Variants in MYL3 observed in about 807,000 individuals in gnomAD.
The protein encoded by MYL3 is CMLC1.
A neutral mutation model predicts 21.3 loss-of-function variants in MYL3; 11 were observed. The observed-to-expected ratio is 0.52, with a 90% CI of 0.32 to 0.85. MYL3 has a LOEUF of 0.85. Ranked by LOEUF, MYL3 falls within the 40% of genes least tolerant of loss-of-function variation. The pLI is 0.03. For missense variants in MYL3, 206 were observed against 253.3 expected (o/e 0.81, Z 1.27); for synonymous variants, 88 against 91.6 (o/e 0.96, Z 0.22).
At chr3:46,870,984 A>G (rs529807677) in intron 1 of MYL3, among the ~76,000 whole-genome samples, 1 of 152,296 alleles carries the variant, frequency 6.6e-6, no homozygotes, top group African/African-American at 2.4e-5. Context: ...AAACCTTTGC[A>G]TGCATGTTCA....
chr3:46,865,984 A>C (rs1217672500), upstream of MYL3, among the ~76,000 whole-genome samples: 2 of 151,838 alleles, frequency 1.3e-5, no homozygotes, highest in African/African-American at 4.8e-5. This position sits in a 1 kb window ranked among gnomAD's most constrained non-coding sequence, Gnocchi z 4.3. Flanking sequence ...CCCACCCTCA[A>C]ACCTATAACA....
rs1701964341 is a variant in MYL3, at chr3:46,859,239, GC to G, written c.481+235del. Among the ~76,000 whole-genome samples the G allele has an allele frequency of 6.6e-6, 1 of 152,076 alleles. No individual in the cohort carries two copies. Among genetic ancestry groups the G allele is most frequent in the Admixed American group, 6.6e-5 (1 of 15,262 alleles). On this transcript the variant is annotated intron_variant, in intron 4 of 6. Coordinates refer to ENST00000292327, the MANE Select transcript of MYL3 (RefSeq NM_000258.3). This position sits in a 1 kb window ranked among gnomAD's most constrained non-coding sequence, Gnocchi z 4.1. ...GGAAGGAGGGGAGCATATCAAGACG[GC>G]TCCTTCCTGCCCTGCTCTGTCCCCA...
At chr3:46,873,474 G>C (rs866867791) in intron 1 of MYL3, among the ~76,000 whole-genome samples, 32 of 152,304 alleles carry the variant, frequency 2.1e-4, no homozygotes, top group South Asian at 4.1e-4. Flanking sequence ...CTCTGTTTGC[G>C]AGGTCATCAC....
In MYL3 at chr3:46,861,018, C is replaced by T. The variant is rs769273147; in HGVS notation, c.130-31G>A. 132 of 1,613,682 alleles carry T rather than the reference C, an allele frequency of 8.2e-5. No homozygotes were observed. Among genetic ancestry groups the T allele is most frequent in the Middle Eastern group, 4.9e-4 (3 of 6,084 alleles). Reference sequence around the variant, plus strand: ...AAGAGACCCCAAAGACTCAGATGCCCGGCTTAAAAGGTGGGGCCACACCTC... The same window carrying T: ...AAGAGACCCCAAAGACTCAGATGCCTGGCTTAAAAGGTGGGGCCACACCTC... On this transcript the variant is annotated intron_variant, in intron 1 of 6. Transcript: ENST00000292327. This position sits in a 1 kb window ranked among gnomAD's most constrained non-coding sequence, Gnocchi z 4.2.
In MYL3 at chr3:46,858,365, C is replaced by T. The variant is rs552393482; in HGVS notation, c.559+19G>A. 3.2e-4 allele frequency: 517 copies of T among 1,614,164 alleles called. 3 individuals are homozygous for T. The highest frequency in any genetic ancestry group is 2.9e-3 in the South Asian group (268 of 91,086). ...CCAGCACTCCCCTCCCAGAAGACCC[C>T]TGCCCCTGCTGAGCCCACCTTCATA... is the stretch of plus-strand genomic sequence containing the variant. On this transcript the variant is annotated intron_variant, in intron 5 of 6. Transcript: ENST00000292327.
At position 46,860,671 on chromosome 3, in the gene MYL3, A is replaced by C. The variant is rs768956093; in HGVS notation, c.307+5T>G. ...ACTATGGGGGCTCTCGGGCAGGTGC[A>C]CTACCTTCCTGTCTTGGCTTCCCCA... On this transcript the variant is annotated splice_donor_5th_base_variant and intron_variant, in intron 3 of 6. Transcript: ENST00000292327. This position sits in a 1 kb window ranked among gnomAD's most constrained non-coding sequence, Gnocchi z 4.6. 7 of 1,613,438 alleles carry C rather than the reference A, an allele frequency of 4.3e-6. No homozygotes were observed. Among genetic ancestry groups the C allele is most frequent in the Non-Finnish European group, 5.1e-6 (6 of 1,180,002 alleles).
intron 1 of MYL3, among the ~76,000 whole-genome samples, chr3:46,870,205 C>A (rs1702095826): frequency 6.6e-6 from 1 of 151,668 alleles, no homozygotes; most frequent in Non-Finnish European, 1.5e-5. Context: ...CCAGCATAAC[C>A]CAAATTCATT....
chr3:46,863,451 G>T, upstream of MYL3: 1 of 1,590,280 alleles, frequency 6.3e-7, no homozygotes. Flanking sequence ...GGGTAGGTGA[G>T]CCGCCTCACC....
chr3:46,874,706 AG>A lies in MYL3; in HGVS notation c.-218+7367del, dbSNP rs2030088121. 6.6e-6 allele frequency among the ~76,000 whole-genome samples: 1 copy of A among 152,114 alleles called. No individual in the cohort carries two copies. Among genetic ancestry groups the A allele is most frequent in the Admixed American group, 6.5e-5 (1 of 15,286 alleles). On this transcript the variant is annotated intron_variant, in intron 1 of 3. Transcript: ENST00000431168. The surrounding 1 kb of genome is among the most constrained non-coding windows in gnomAD (Gnocchi z 4.1). Reference sequence around the variant, plus strand: ...GAAACACGTGTCAAACACGCCTGGGAGGGGGTATTCCGAGGCACAGACCCCC... The same window carrying A: ...GAAACACGTGTCAAACACGCCTGGGAGGGGTATTCCGAGGCACAGACCCCC...
At chr3:46,875,853 T>C (rs2030179861) in intron 1 of MYL3, among the ~76,000 whole-genome samples, 1 of 152,224 alleles carries the variant, frequency 6.6e-6, no homozygotes, top group African/African-American at 2.4e-5. Context: ...TGGGAGCCTG[T>C]TGAGCTCGGA....
Position 46,874,640 on chromosome 3 carries a change from G to T in MYL3, c.-218+7434C>A, listed in dbSNP as rs902340316. On this transcript the variant is annotated intron_variant, in intron 1 of 3. Transcript: ENST00000431168. The surrounding 1 kb of genome is among the most constrained non-coding windows in gnomAD (Gnocchi z 4.1). ...TTGCAGTCGGCAGGAGCTCTTAAAG[G>T]TTATAAATAGCAGCAGCGGGAGCCC... is the stretch of plus-strand genomic sequence containing the variant. Among the ~76,000 whole-genome samples, 9 of 152,190 alleles carry T rather than the reference G, an allele frequency of 5.9e-5. No homozygotes were observed. The highest frequency in any genetic ancestry group is 1.2e-4 in the Non-Finnish European group (8 of 68,038).
chr3:46,872,892 C>A (rs2029994253), intron 1 of MYL3, among the ~76,000 whole-genome samples: 1 of 152,210 alleles, frequency 6.6e-6, no homozygotes, highest in African/African-American at 2.4e-5. Flanking sequence ...GATCCTGGGG[C>A]CTGCTCATGA....
At chr3:46,862,421 G>C (rs1027723082) in intron 1 of MYL3, among the ~76,000 whole-genome samples, 1 of 152,186 alleles carries the variant, frequency 6.6e-6, no homozygotes, top group Non-Finnish European at 1.5e-5. Context: ...GGTGTCTCTG[G>C]GAAGGGCTCA....
chr3:46,879,523 G>A lies in MYL3; in HGVS notation c.-218+2551C>T, dbSNP rs545669660. ...TTTGGGAGGCCGAGGCAGGAGGACTGCTTGAGCCCAAGAGTTGGAGACCAG... is the reference window on the plus strand; with the variant it reads ...TTTGGGAGGCCGAGGCAGGAGGACTACTTGAGCCCAAGAGTTGGAGACCAG... On this transcript the variant is annotated intron_variant, in intron 1 of 3. Coordinates refer to the MYL3 transcript ENST00000431168. This position sits in a 1 kb window ranked among gnomAD's most constrained non-coding sequence, Gnocchi z 4.7. Among the ~76,000 whole-genome samples, 38 of 151,878 alleles carry A rather than the reference G, an allele frequency of 2.5e-4. No homozygotes were observed. Among genetic ancestry groups the A allele is most frequent in the African/African-American group, 8.5e-4 (35 of 41,400 alleles).
Position 46,859,626 on chromosome 3 carries a change from G to C in MYL3, c.330C>G (p.Asp110Glu). ...GGAGCATAGGCAGGAAAGTTTCAAAGTCCATCATCTTGGTATTGAGCTCTG... is the reference window on the plus strand; with the variant it reads ...GGAGCATAGGCAGGAAAGTTTCAAACTCCATCATCTTGGTATTGAGCTCTG... ...RQEELNTKMMDFETFLPMLQH... is the reference protein window; with the variant it reads ...RQEELNTKMMEFETFLPMLQH... Residue 110 changes from aspartate (D) to glutamate (E), a missense_variant, in exon 4 of 7, where the codon GAC becomes GAG. Coordinates refer to ENST00000292327, the MANE Select transcript of MYL3 (RefSeq NM_000258.3). This position sits in a 1 kb window ranked among gnomAD's most constrained non-coding sequence, Gnocchi z 4.1. 1 of 1,614,224 alleles carries C rather than the reference G, an allele frequency of 6.2e-7. No individual in the cohort carries two copies. The highest frequency in any genetic ancestry group is 8.5e-7 in the Non-Finnish European group (1 of 1,180,042).
At position 46,860,229 on chromosome 3, in the gene MYL3, C is replaced by T. The variant is rs111986699; in HGVS notation, c.307+447G>A. Among the ~76,000 whole-genome samples the T allele has an allele frequency of 5.9e-5, 9 of 152,150 alleles. No homozygotes were observed. The highest frequency in any genetic ancestry group is 2.2e-4 in the African/African-American group (9 of 41,424). On this transcript the variant is annotated intron_variant, in intron 3 of 6. Transcript: ENST00000292327. This position sits in a 1 kb window ranked among gnomAD's most constrained non-coding sequence, Gnocchi z 4.6. ...CTGCAACCTCAAATTCCTGGGCTCA[C>T]GGGATCCTCCTGGCTCAGCTTCCTG...
At chr3:46,875,861 G>A (rs887700793) in intron 1 of MYL3, among the ~76,000 whole-genome samples, 11 of 152,374 alleles carry the variant, frequency 7.2e-5, no homozygotes, top group African/African-American at 1.9e-4. Flanking sequence ...TGTTGAGCTC[G>A]GAGGGGGCCG....
chr3:46,865,938 C>T (rs1401672546), upstream of MYL3, among the ~76,000 whole-genome samples: 3 of 152,224 alleles, frequency 2.0e-5, no homozygotes, highest in Non-Finnish European at 2.9e-5. This position sits in a 1 kb window ranked among gnomAD's most constrained non-coding sequence, Gnocchi z 4.3. Context: ...TCCCTGCTGG[C>T]TTGGGAACAA....
rs1273884199 is a variant in MYL3, at chr3:46,858,078, C to T, written c.*37G>A. ...CATCACACATGGGAGATGAGACGTCCCTGCACAGCCTTCCCTGGGCTTCCT... is the reference window on the plus strand; with the variant it reads ...CATCACACATGGGAGATGAGACGTCTCTGCACAGCCTTCCCTGGGCTTCCT... On this transcript the variant is annotated 3_prime_UTR_variant, in exon 7 of 7. Transcript: ENST00000292327. The T allele has an allele frequency of 2.3e-6, 2 of 875,274 alleles. No homozygotes were observed. Among genetic ancestry groups the T allele is most frequent in the Non-Finnish European group, 3.7e-6 (2 of 538,312 alleles). 54.2% of individuals were successfully genotyped at this position (875,274 alleles called of 1,614,324 possible). A position where few individuals can be genotyped will look rare whatever the true frequency, so the allele number is the denominator to read the frequency against.
Sources: allele counts gnomAD v4.1 joint callset (sites outside exome capture counted in the v4.1 genomes callset), GRCh38; gene constraint gnomAD v4.1.1; non-coding constraint Gnocchi (gnomAD v3.1); transcripts MANE v1.5; gene names NCBI Gene and HGNC (gene_info 2026-07-23, HGNC 2026-07-21).